Variants in GAB1 observed in about 807,000 individuals in gnomAD.
GAB1 encodes the protein GRB2-associated-binding protein 1.
GAB1 carries 19 observed loss-of-function variants against 66.5 expected under a neutral mutation model. The ratio of observed to expected loss-of-function variants is 0.29; its 90% CI spans 0.20 to 0.42. GAB1 has a LOEUF of 0.42. Ranked by LOEUF, GAB1 falls within the 10% of genes least tolerant of loss-of-function variation. GAB1 has a pLI of 1.00. For missense variants in GAB1, 732 were observed against 858.5 expected, an observed-to-expected ratio of 0.85 and a Z score of 1.84; for synonymous variants, 294 against 301.4, an observed-to-expected ratio of 0.98 and a Z score of 0.25.
At chr4:143,440,418 G>T in intron 6 of GAB1, 36 bp downstream of exon 6, 1 of 1,533,604 alleles carries the variant, frequency 6.5e-7, no homozygotes, top group Non-Finnish European at 8.8e-7. Flanking sequence ...GGCTTGGGGA[G>T]TGCCAAGTTA....
chr4:143,396,670 A>C (rs1419311976), intron 1 of GAB1, among the ~76,000 whole-genome samples: 1 of 152,230 alleles, frequency 6.6e-6, no homozygotes, highest in Non-Finnish European at 1.5e-5. Flanking sequence ...CAGTGTCCTG[A>C]TAAGAGACTG....
intron 1 of GAB1, chr4:143,395,699 TAAA>T (rs1731411979): frequency 3.0e-6 from 1 of 329,994 alleles, no homozygotes; most frequent in Non-Finnish European, 6.0e-6. Flanking sequence ...GGCATTATAA[TAAA>T]TATGAAGTTT....
intron 1 of GAB1, among the ~76,000 whole-genome samples, chr4:143,371,656 T>A (rs1416949665): frequency 2.0e-5 from 3 of 152,216 alleles, no homozygotes. Context: ...TTGCGTAGGT[T>A]TTCTTCTAGG....
intron 1 of GAB1, among the ~76,000 whole-genome samples, chr4:143,392,870 C>A (rs992588496): frequency 5.9e-5 from 9 of 152,112 alleles, no homozygotes; most frequent in Non-Finnish European, 1.3e-4. Flanking sequence ...AGATGGATAT[C>A]TGAGGTTTTT....
chr4:143,373,870 T>TATATATATATATATAG (rs1730287604), intron 1 of GAB1, among the ~76,000 whole-genome samples: 1 of 126,854 alleles, frequency 7.9e-6, no homozygotes, highest in Non-Finnish European at 1.6e-5. Context: ...AATAAATAAA[T>TATATATATATATATAG]ATATATATAT....
chr4:143,431,802 T>C (rs907060613), intron 2 of GAB1, among the ~76,000 whole-genome samples: 1 of 152,140 alleles, frequency 6.6e-6, no homozygotes, highest in African/African-American at 2.4e-5. Context: ...CTACTGACCA[T>C]ACAGAAAGAC....
intron 1 of GAB1, among the ~76,000 whole-genome samples, chr4:143,344,259 G>C (rs1360759339): frequency 6.6e-6 from 1 of 152,166 alleles, no homozygotes; most frequent in Non-Finnish European, 1.5e-5. Flanking sequence ...GTGAGTGCCA[G>C]CTCGTGTTGG....
chr4:143,349,464 G>A (rs1224706136), intron 1 of GAB1: 3 of 1,460,546 alleles, frequency 2.1e-6, no homozygotes, highest in Non-Finnish European at 2.8e-6. Flanking sequence ...TGCCCAGGGT[G>A]GCAGTGCAGC....
intron 1 of GAB1, among the ~76,000 whole-genome samples, chr4:143,366,598 T>C (rs1410258775): frequency 6.6e-6 from 1 of 152,154 alleles, no homozygotes; most frequent in Non-Finnish European, 1.5e-5. Flanking sequence ...CAGTAAACAC[T>C]GTTATTGTTA....
intron 6 of GAB1, among the ~76,000 whole-genome samples, chr4:143,458,359 A>G (rs969859644): frequency 6.6e-6 from 1 of 152,104 alleles, no homozygotes; most frequent in African/African-American, 2.4e-5. Context: ...ATGAGCCTCA[A>G]TGCGTATGGT....
intron 1 of GAB1, among the ~76,000 whole-genome samples, chr4:143,377,589 A>ATTATGCTAAT (rs1455203295): frequency 6.6e-6 from 1 of 152,204 alleles, no homozygotes; most frequent in African/African-American, 2.4e-5. Flanking sequence ...TCATTATGAT[A>ATTATGCTAAT]TTATGCTAAT....
Position 143,439,580 on chromosome 4 carries a change from AT to A in GAB1, c.1196-220del. The A allele has an allele frequency of 8.6e-6, 4 of 465,766 alleles. No individual in the cohort carries two copies. The South Asian group carries it at 1.0e-4, about 12-fold the overall frequency. The allele number at this position is 465,766 out of a possible 1,614,324, so 28.9% of individuals were successfully genotyped here. On this transcript the variant is annotated intron_variant, in intron 4 of 9. Coordinates refer to ENST00000262994, the MANE Select transcript of GAB1 (RefSeq NM_002039.4). Reference sequence around the variant, plus strand: ...ACTTAGACATTCACTCACACTCAAAATTAGATATTGGTATTGGTTAGCATAT... The same window carrying A: ...ACTTAGACATTCACTCACACTCAAAATAGATATTGGTATTGGTTAGCATAT...
intron 1 of GAB1, among the ~76,000 whole-genome samples, chr4:143,415,150 T>C (rs1732612424): frequency 3.3e-5 from 5 of 152,370 alleles, no homozygotes; most frequent in African/African-American, 1.2e-4. Context: ...GGATTTCTAG[T>C]TTTCCTAACA....
chr4:143,416,085 T>C (rs1460508964), intron 2 of GAB1, among the ~76,000 whole-genome samples: 3 of 152,216 alleles, frequency 2.0e-5, no homozygotes, highest in Non-Finnish European at 4.4e-5. Context: ...ACACTGTTGA[T>C]ATTTTACTAT....
chr4:143,454,176 C>A (rs1735067161), intron 6 of GAB1, among the ~76,000 whole-genome samples: 1 of 152,208 alleles, frequency 6.6e-6, no homozygotes, highest in Admixed American at 6.5e-5. Context: ...GTAAACACAT[C>A]CGTATTCTTA....
At chr4:143,345,180 C>G (rs983049306) in intron 1 of GAB1, among the ~76,000 whole-genome samples, 3 of 152,190 alleles carry the variant, frequency 2.0e-5, no homozygotes, top group Admixed American at 2.0e-4. Flanking sequence ...TTCCTCACCT[C>G]TTAGTGTGTG....
intron 2 of GAB1, among the ~76,000 whole-genome samples, chr4:143,433,284 T>C (rs1220380644): frequency 6.6e-6 from 1 of 152,198 alleles, no homozygotes; most frequent in Non-Finnish European, 1.5e-5. Context: ...GGAATATATA[T>C]AGAGTCCTAC....
chr4:143,362,473 A>G (rs1412112001), intron 1 of GAB1, among the ~76,000 whole-genome samples: 2 of 152,180 alleles, frequency 1.3e-5, no homozygotes, highest in Non-Finnish European at 2.9e-5. Flanking sequence ...GGCTATTTTT[A>G]TGCTTATTAC....
intron 8 of GAB1, among the ~76,000 whole-genome samples, chr4:143,464,444 G>A (rs1280176079): frequency 6.6e-6 from 1 of 151,952 alleles, no homozygotes; most frequent in Non-Finnish European, 1.5e-5. Context: ...TGGCCAGGCT[G>A]GTCTCAAACT....
Sources: allele counts gnomAD v4.1 joint callset (sites outside exome capture counted in the v4.1 genomes callset), GRCh38; gene constraint gnomAD v4.1.1; transcripts MANE v1.5; gene names NCBI Gene and HGNC (gene_info 2026-07-23, HGNC 2026-07-21).